Variants in ZFHX3 observed in about 807,000 individuals in gnomAD.
ZFHX3 encodes zinc finger homeobox protein 3.
In ZFHX3, 42 loss-of-function variants were observed where a neutral mutation model predicts 279.1. The observed-to-expected ratio is 0.15, with a 90% CI of 0.12 to 0.19. The LOEUF (loss-of-function observed/expected upper bound fraction) is 0.19. Ranked by LOEUF, ZFHX3 falls within the 10% of genes least tolerant of loss-of-function variation. ZFHX3 has a pLI of 1.00. For synonymous variants in ZFHX3, 2,293 were observed against 1,957.8 expected (o/e 1.17, Z -4.52); for missense variants, 4,981 against 4,754.0 (o/e 1.05, Z -1.40).
At chr16:73,835,243 G>A (rs1374029281) in intron 1 of ZFHX3, among the ~76,000 whole-genome samples, 1 of 152,142 alleles carries the variant, frequency 6.6e-6, no homozygotes, top group Non-Finnish European at 1.5e-5. Flanking sequence ...GTTTTTCTAA[G>A]AGACCTAGGA....
intron 1 of ZFHX3, among the ~76,000 whole-genome samples, chr16:73,046,043 T>C (rs190760239): frequency 6.6e-6 from 1 of 152,280 alleles, no homozygotes; most frequent in African/African-American, 2.4e-5. Flanking sequence ...GGAAACACCA[T>C]GAGGAGAACT....
At chr16:73,487,595 C>T (rs906196500) in intron 2 of ZFHX3, 15 of 309,310 alleles carry the variant, frequency 4.8e-5, no homozygotes, top group Admixed American at 8.8e-5. Flanking sequence ...TTTGTAGACA[C>T]GGGTTCTCAC....
At chr16:73,528,110 G>A (rs1185259265) in intron 2 of ZFHX3, among the ~76,000 whole-genome samples, 8 of 152,150 alleles carry the variant, frequency 5.3e-5, no homozygotes, top group African/African-American at 9.7e-5. Context: ...AAATGGGAGC[G>A]GCCTCCTGGA....
chr16:72,862,008 C>G (rs1230421676), intron 4 of ZFHX3, among the ~76,000 whole-genome samples: 2 of 152,120 alleles, frequency 1.3e-5, no homozygotes, highest in Non-Finnish European at 2.9e-5. Flanking sequence ...GAGCAGGACT[C>G]CATCTCAAAA....
At chr16:73,643,941 A>C (rs538475752) in intron 2 of ZFHX3, among the ~76,000 whole-genome samples, 1 of 152,282 alleles carries the variant, frequency 6.6e-6, no homozygotes, top group South Asian at 2.1e-4. Context: ...TCTTCTACTC[A>C]AAACAGTATT....
At chr16:73,368,037 A>AT (rs1167292699) in intron 3 of ZFHX3, among the ~76,000 whole-genome samples, 4 of 151,886 alleles carry the variant, frequency 2.6e-5, no homozygotes, top group Non-Finnish European at 2.9e-5. Flanking sequence ...CATCTGGCTA[A>AT]TTTTTTTATT....
chr16:73,493,183 C>T (rs957186507), intron 2 of ZFHX3, among the ~76,000 whole-genome samples: 5 of 152,188 alleles, frequency 3.3e-5, no homozygotes, highest in Non-Finnish European at 4.4e-5. Context: ...CAGCTGGTCT[C>T]GTCTGCTTCC....
intron 4 of ZFHX3, among the ~76,000 whole-genome samples, chr16:72,834,477 A>G (rs2037137058): frequency 6.6e-6 from 1 of 152,230 alleles, no homozygotes; most frequent in Admixed American, 6.5e-5. Context: ...CAGTCCCAGA[A>G]AATTTCCCTT....
Position 73,275,986 on chromosome 16 carries a change from G to GT in ZFHX3, c.-1193-18851_-1193-18850insA, listed in dbSNP as rs544598383. Among the ~76,000 whole-genome samples, 383 of 151,622 alleles carry GT rather than the reference G, an allele frequency of 2.5e-3. 1 individual carries two copies. Among genetic ancestry groups the GT allele is most frequent in the African/African-American group, 9.1e-3 (377 of 41,426 alleles). On this transcript the variant is annotated intron_variant, in intron 4 of 17. Transcript: ENST00000641206. Reference sequence around the variant, plus strand: ...AAGTTAGGGGCGGTCAAGAGTGATGGGGGGGGACAGGGAAGGATGATATTG... The same window carrying GT: ...AAGTTAGGGGCGGTCAAGAGTGATGGTGGGGGGACAGGGAAGGATGATATTG...
chr16:73,535,375 T>C (rs1437352200), intron 2 of ZFHX3, among the ~76,000 whole-genome samples: 3 of 152,214 alleles, frequency 2.0e-5, no homozygotes, highest in Non-Finnish European at 2.9e-5. Flanking sequence ...AACAATCCAC[T>C]CTTGGGAGCT....
intron 4 of ZFHX3, among the ~76,000 whole-genome samples, chr16:73,304,875 ACTC>A (rs1428869010): frequency 6.6e-6 from 1 of 151,530 alleles, no homozygotes; most frequent in Non-Finnish European, 1.5e-5. Context: ...ACTTCTATGA[ACTC>A]CTTGCCACAA....
At chr16:73,623,700 T>G (rs969236390) in intron 2 of ZFHX3, among the ~76,000 whole-genome samples, 1 of 152,152 alleles carries the variant, frequency 6.6e-6, no homozygotes, top group Admixed American at 6.5e-5. Context: ...ACGTGTTGGT[T>G]TATGATGAAA....
intron 5 of ZFHX3, among the ~76,000 whole-genome samples, chr16:73,255,444 G>A (rs1219195136): frequency 6.6e-6 from 1 of 152,244 alleles, no homozygotes; most frequent in African/African-American, 2.4e-5. Context: ...AGGGGCACTT[G>A]TTAGTATTTT....
intron 1 of ZFHX3, among the ~76,000 whole-genome samples, chr16:73,683,300 TA>T (rs2053046129): frequency 6.6e-6 from 1 of 152,184 alleles, no homozygotes; most frequent in South Asian, 2.1e-4. Context: ...GAGCAGGGTG[TA>T]TGTGTGTTGG....
intron 2 of ZFHX3, among the ~76,000 whole-genome samples, chr16:73,571,708 G>A (rs2051738113): frequency 6.6e-6 from 1 of 152,112 alleles, no homozygotes; most frequent in South Asian, 2.1e-4. Flanking sequence ...GCAACAAATA[G>A]TTACATAGCC....
chr16:73,309,676 G>C (rs188189237), intron 4 of ZFHX3, among the ~76,000 whole-genome samples: 3 of 152,292 alleles, frequency 2.0e-5, no homozygotes, highest in Admixed American at 2.0e-4. Flanking sequence ...CTGGGGCAGG[G>C]TCTCAGAGCC....
At chr16:73,752,490 C>T (rs1475448931) in intron 1 of ZFHX3, among the ~76,000 whole-genome samples, 1 of 152,140 alleles carries the variant, frequency 6.6e-6, no homozygotes, top group African/African-American at 2.4e-5. Context: ...CTCTCTTTTC[C>T]TCTCTTTCTC....
chr16:73,038,210 C>T (rs1203149619), intron 1 of ZFHX3, among the ~76,000 whole-genome samples: 3 of 152,138 alleles, frequency 2.0e-5, no homozygotes, highest in South Asian at 2.1e-4. Flanking sequence ...ACGGGGCCCT[C>T]GGGATATTGA....
intron 2 of ZFHX3, among the ~76,000 whole-genome samples, chr16:73,522,888 G>C (rs982609303): frequency 6.6e-6 from 1 of 152,184 alleles, no homozygotes; most frequent in African/African-American, 2.4e-5. Context: ...GCAGCAAGGA[G>C]AAGAATGAGT....
Sources: allele counts gnomAD v4.1 joint callset (sites outside exome capture counted in the v4.1 genomes callset), GRCh38; gene constraint gnomAD v4.1.1; transcripts MANE v1.5; gene names NCBI Gene and HGNC (gene_info 2026-07-23, HGNC 2026-07-21).